The following TMEM62 variants were observed in gnomAD, a reference collection of about 807,000 sequenced individuals.
The protein encoded by TMEM62 is transmembrane protein 62.
A neutral mutation model predicts 70.4 loss-of-function variants in TMEM62; 41 were observed. The observed-to-expected ratio is 0.58, with a 90% CI of 0.45 to 0.76. The LOEUF (loss-of-function observed/expected upper bound fraction) is 0.76. Ranked by LOEUF, TMEM62 falls within the 30% of genes least tolerant of loss-of-function variation. The pLI is 0.00. For synonymous variants in TMEM62, 268 were observed against 291.0 expected (o/e 0.92, Z 0.80); for missense variants, 688 against 788.5 (o/e 0.87, Z 1.53).
intron 7 of TMEM62, among the ~76,000 whole-genome samples, chr15:43,149,506 A>ATT (rs34518288): frequency 9.1e-4 from 133 of 145,402 alleles, no homozygotes; most frequent in Middle Eastern, 3.5e-3. Flanking sequence ...AACAAATTAC[A>ATT]TTTTTTTTTT....
intron 11 of TMEM62, among the ~76,000 whole-genome samples, chr15:43,177,326 G>A (rs1466533243): frequency 1.3e-5 from 2 of 152,032 alleles, no homozygotes; most frequent in Non-Finnish European, 2.9e-5. Context: ...AGTTAGAATG[G>A]CAATCATTAA....
chr15:43,141,823 T>G (rs2141547428), intron 4 of TMEM62, among the ~76,000 whole-genome samples: 1 of 152,280 alleles, frequency 6.6e-6, no homozygotes, highest in East Asian at 1.9e-4. Context: ...CCCTCATGGA[T>G]GACTTTGAGG....
At chr15:43,137,521 CA>C (rs2035394442) in intron 3 of TMEM62, among the ~76,000 whole-genome samples, 1 of 152,274 alleles carries the variant, frequency 6.6e-6, no homozygotes, top group African/African-American at 2.4e-5. Flanking sequence ...GAGGCTGCTA[CA>C]GTCACGCCAT....
intron 13 of TMEM62, among the ~76,000 whole-genome samples, chr15:43,182,615 G>A (rs1255491045): frequency 2.6e-5 from 4 of 151,826 alleles, no homozygotes; most frequent in South Asian, 2.1e-4. Context: ...CACCATGCCC[G>A]GCTAATTTTT....
intron 11 of TMEM62, among the ~76,000 whole-genome samples, chr15:43,176,500 G>A (rs147525635): frequency 0.41 from 61,943 of 152,088 alleles, 15,714 homozygotes; most frequent in Non-Finnish European, 0.56. Flanking sequence ...CCAGAGGAAC[G>A]ATCAGACAGC....
At chr15:43,148,008 T>G (rs2036887135) in intron 5 of TMEM62, among the ~76,000 whole-genome samples, 1 of 152,224 alleles carries the variant, frequency 6.6e-6, no homozygotes, top group Non-Finnish European at 1.5e-5. Context: ...ACCCTCATTT[T>G]AAATGTTTGA....
rs768306404 is a variant in TMEM62 at position 43,169,602 on chromosome 15, C to A, written c.1306C>A (p.Leu436Ile). 6.2e-7 allele frequency: 1 copy of A among 1,613,918 alleles called. No individual in the cohort carries two copies. Among genetic ancestry groups the A allele is most frequent in the Non-Finnish European group, 8.5e-7 (1 of 1,179,926 alleles). ...RTDHYIMARV[L>I]FVLIVLSQLT... The stretch of plus-strand genomic sequence containing the variant: ...ATCTATTTCCCTGCAGGCCCGGGTC[C>A]TTTTTGTGCTGATTGTGCTGAGCCA... Residue 436 changes from leucine (L) to isoleucine (I), a missense_variant, in exon 11 of 14, where the codon CTT becomes ATT. Transcript: ENST00000260403.
chr15:43,178,189 C>T (rs766808803), intron 11 of TMEM62, among the ~76,000 whole-genome samples: 1 of 151,860 alleles, frequency 6.6e-6, no homozygotes, highest in South Asian at 2.1e-4. Context: ...CTTGATCATC[C>T]TTTGAACAAA....
At chr15:43,177,416 GTTCAACCA>G in intron 11 of TMEM62, among the ~76,000 whole-genome samples, 1 of 152,082 alleles carries the variant, frequency 6.6e-6, no homozygotes, top group Non-Finnish European at 1.5e-5. Flanking sequence ...CTGTAAACTA[GTTCAACCA>G]TTGTGGAAGT....
chr15:43,152,520 G>C (rs983526769), intron 8 of TMEM62, among the ~76,000 whole-genome samples: 1 of 152,044 alleles, frequency 6.6e-6, no homozygotes, highest in Admixed American at 6.5e-5. Context: ...TCAGCCTCTG[G>C]AGTAGCTGAG....
At chr15:43,176,945 T>A (rs1248756531) in intron 11 of TMEM62, among the ~76,000 whole-genome samples, 1 of 151,784 alleles carries the variant, frequency 6.6e-6, no homozygotes, top group African/African-American at 2.4e-5. Flanking sequence ...TTGAAAAAAA[T>A]TTAGACAAAT....
At chr15:43,177,042 A>G (rs1338192100) in intron 11 of TMEM62, among the ~76,000 whole-genome samples, 2 of 152,140 alleles carry the variant, frequency 1.3e-5, no homozygotes, top group Non-Finnish European at 2.9e-5. Context: ...TGAAGAATGT[A>G]GAAGCCTCAG....
chr15:43,173,194 T>A (rs2040386668), intron 11 of TMEM62, among the ~76,000 whole-genome samples: 1 of 152,180 alleles, frequency 6.6e-6, no homozygotes, highest in African/African-American at 2.4e-5. Context: ...AGACTCCATC[T>A]CAAAAAAACA....
intron 7 of TMEM62, among the ~76,000 whole-genome samples, chr15:43,151,587 A>G (rs1264821975): frequency 6.6e-6 from 1 of 152,238 alleles, no homozygotes; most frequent in Admixed American, 6.5e-5. Context: ...TCCATTGCCC[A>G]GTCAGAGGCA....
At chr15:43,147,755 A>G (rs2036855217) in intron 5 of TMEM62, among the ~76,000 whole-genome samples, 1 of 152,180 alleles carries the variant, frequency 6.6e-6, no homozygotes. Context: ...ATTAAATCCC[A>G]TTCCTTAGTA....
At chr15:43,160,936 A>G in intron 10 of TMEM62, 142 bp downstream of exon 10, 1 of 404,184 alleles carries the variant, frequency 2.5e-6, no homozygotes, top group Admixed American at 4.4e-5. Flanking sequence ...TATATATAAT[A>G]AGATATTTTG....
At chr15:43,176,798 A>G (rs938078301) in intron 11 of TMEM62, among the ~76,000 whole-genome samples, 1 of 152,148 alleles carries the variant, frequency 6.6e-6, no homozygotes, top group Non-Finnish European at 1.5e-5. Context: ...CTCCAAAGGA[A>G]CACAGTTCCT....
chr15:43,140,998 C>T lies in TMEM62; in HGVS notation c.476+2379C>T, dbSNP rs561110490. On this transcript the variant is annotated intron_variant, in intron 4 of 13. Coordinates refer to ENST00000260403, the MANE Select transcript of TMEM62 (RefSeq NM_024956.4). ...GGAGACTCTCAGTATCCTGTTTCCT[C>T]GGCTCCACCAGCTCCCAGAATGCTA... 3.3e-5 allele frequency among the ~76,000 whole-genome samples: 5 copies of T among 152,284 alleles called. No individual in the cohort carries two copies. In the South Asian group the frequency reaches 6.2e-4, roughly 19 times the overall value.
At chr15:43,172,710 G>A (rs542334211) in intron 11 of TMEM62, among the ~76,000 whole-genome samples, 1 of 152,046 alleles carries the variant, frequency 6.6e-6, no homozygotes, top group Non-Finnish European at 1.5e-5. Flanking sequence ...TTAAAATCAG[G>A]TATTTTATGA....
Sources: allele counts gnomAD v4.1 joint callset (sites outside exome capture counted in the v4.1 genomes callset), GRCh38; gene constraint gnomAD v4.1.1; transcripts MANE v1.5; gene names NCBI Gene and HGNC (gene_info 2026-07-23, HGNC 2026-07-21).